The following SUGCT variants were observed in gnomAD, a reference collection of about 807,000 sequenced individuals.
SUGCT encodes succinyl-CoA:glutarate-CoA transferase.
Under a neutral mutation model 55.0 loss-of-function variants are expected in SUGCT, and 41 were observed. That is an observed-to-expected ratio of 0.74 (90% CI 0.58 to 0.97). The LOEUF (loss-of-function observed/expected upper bound fraction) is 0.97. SUGCT is among the 50% of genes least tolerant of loss of function. SUGCT has a pLI of 0.00. For synonymous variants in SUGCT, 187 were observed against 200.4 expected (o/e 0.93, Z 0.56); for missense variants, 568 against 547.8 (o/e 1.04, Z -0.37).
chr7:40,854,214 T>C (rs1794001879), intron 13 of SUGCT, among the ~76,000 whole-genome samples: 1 of 152,300 alleles, frequency 6.6e-6, no homozygotes, highest in Middle Eastern at 3.4e-3. Context: ...ATTATATTTT[T>C]CCAACTTTTC....
intron 12 of SUGCT, among the ~76,000 whole-genome samples, chr7:40,705,205 A>G (rs1202960946): frequency 1.3e-5 from 2 of 152,176 alleles, no homozygotes; most frequent in Non-Finnish European, 2.9e-5. Flanking sequence ...ATAGGTTTGC[A>G]GGAAGTTGCA....
chr7:40,994,232 G>A, the SUGCT span, among the ~76,000 whole-genome samples: 1 of 152,146 alleles, frequency 6.6e-6, no homozygotes, highest in South Asian at 2.1e-4. Flanking sequence ...TGGCCATTCA[G>A]TTTGAAGGCA....
chr7:40,993,437 A>G, the SUGCT span, among the ~76,000 whole-genome samples: 2 of 152,214 alleles, frequency 1.3e-5, no homozygotes, highest in Non-Finnish European at 2.9e-5. Flanking sequence ...AAAGTCAGGA[A>G]GTGTTGGTAG....
At chr7:40,854,407 CTTT>C (rs1794027655) in intron 13 of SUGCT, among the ~76,000 whole-genome samples, 1 of 89,712 alleles carries the variant, frequency 1.1e-5, no homozygotes, top group African/African-American at 4.0e-5. Flanking sequence ...TTCTTTCTTT[CTTT>C]CTTTCTTTCC....
chr7:40,824,728 T>C (rs1439208960), intron 13 of SUGCT, among the ~76,000 whole-genome samples: 2 of 152,202 alleles, frequency 1.3e-5, no homozygotes, highest in Non-Finnish European at 2.9e-5. Flanking sequence ...CAGTATCTTA[T>C]GTGGGACATC....
intron 12 of SUGCT, among the ~76,000 whole-genome samples, chr7:40,591,741 C>A (rs1441379145): frequency 6.6e-6 from 1 of 152,158 alleles, no homozygotes; most frequent in Non-Finnish European, 1.5e-5. Flanking sequence ...AAGGCAAGAC[C>A]CTCCACCAGT....
At chr7:40,402,153 G>A (rs1459260553) in intron 9 of SUGCT, among the ~76,000 whole-genome samples, 1 of 148,884 alleles carries the variant, frequency 6.7e-6, no homozygotes, top group Non-Finnish European at 1.5e-5. Flanking sequence ...TTTTTCAAAT[G>A]AATGAGACAC....
At chr7:40,886,975 C>T in the SUGCT span, among the ~76,000 whole-genome samples, 1 of 152,174 alleles carries the variant, frequency 6.6e-6, no homozygotes, top group South Asian at 2.1e-4. Context: ...CATGGGATCT[C>T]CTACTTCCGT....
At chr7:40,159,234 T>C (rs1160395587) in intron 1 of SUGCT, among the ~76,000 whole-genome samples, 1 of 151,644 alleles carries the variant, frequency 6.6e-6, no homozygotes, top group Non-Finnish European at 1.5e-5. Flanking sequence ...AATTTCTTTA[T>C]GTCCGGTTTT....
intron 9 of SUGCT, among the ~76,000 whole-genome samples, chr7:40,338,865 C>T (rs1796876686): frequency 6.6e-6 from 1 of 152,072 alleles, no homozygotes; most frequent in Admixed American, 6.6e-5. Flanking sequence ...GTTTTTTCCC[C>T]ATCTTTGTGG....
chr7:40,617,550 A>G (rs1331428931), intron 12 of SUGCT, among the ~76,000 whole-genome samples: 2 of 151,790 alleles, frequency 1.3e-5, no homozygotes, highest in African/African-American at 4.8e-5. Flanking sequence ...CTTCCAGGAG[A>G]AAAGAAATTT....
At chr7:40,260,349 T>C (rs1221326775) in intron 7 of SUGCT, among the ~76,000 whole-genome samples, 1 of 152,176 alleles carries the variant, frequency 6.6e-6, no homozygotes, top group Non-Finnish European at 1.5e-5. Flanking sequence ...AGACCCCCCA[T>C]AGAGTTGGTG....
At chr7:40,276,382 G>T (rs189385668) in intron 8 of SUGCT, among the ~76,000 whole-genome samples, 23 of 152,252 alleles carry the variant, frequency 1.5e-4, no homozygotes, top group Admixed American at 2.0e-4. Context: ...AAGGTTTCAT[G>T]GGTGTGTAAT....
At chr7:40,303,648 C>T (rs1445596025) in intron 8 of SUGCT, among the ~76,000 whole-genome samples, 1 of 152,132 alleles carries the variant, frequency 6.6e-6, no homozygotes, top group East Asian at 1.9e-4. Context: ...CGCACCTGGC[C>T]CATTTCTTCT....
At chr7:40,943,770 T>C in the SUGCT span, among the ~76,000 whole-genome samples, 2 of 152,042 alleles carry the variant, frequency 1.3e-5, no homozygotes, top group South Asian at 4.2e-4. Context: ...AGCAGCGTGA[T>C]TTATAGTCCT....
At chr7:40,357,872 G>T (rs1489623501) in intron 9 of SUGCT, among the ~76,000 whole-genome samples, 2 of 151,858 alleles carry the variant, frequency 1.3e-5, no homozygotes, top group East Asian at 3.9e-4. Context: ...ATCCAAAAAT[G>T]GACAGCAGGC....
intron 6 of SUGCT, among the ~76,000 whole-genome samples, chr7:40,226,504 A>T (rs891339156): frequency 7.2e-5 from 11 of 152,210 alleles, no homozygotes. Context: ...AACGCTAGAG[A>T]ACTGGCTCTT....
chr7:40,399,074 A>G (rs1034249678), intron 9 of SUGCT, among the ~76,000 whole-genome samples: 2 of 152,188 alleles, frequency 1.3e-5, no homozygotes, highest in Non-Finnish European at 2.9e-5. Context: ...ATGATTATAC[A>G]TTATCACCCT....
chr7:40,715,946 T>G (rs1364821281), intron 12 of SUGCT, among the ~76,000 whole-genome samples: 1 of 152,202 alleles, frequency 6.6e-6, no homozygotes, highest in Non-Finnish European at 1.5e-5. Context: ...GTAGCGCTTG[T>G]TATTGACTTA....
Sources: gnomAD v4.1 joint callset for allele counts (sites outside exome capture counted in the v4.1 genomes callset) on GRCh38, gnomAD v4.1.1 for gene constraint, MANE v1.5 for transcripts, NCBI Gene and HGNC (gene_info 2026-07-23, HGNC 2026-07-21) for gene names.